The following SDHB variants were observed in gnomAD, a reference collection of about 807,000 sequenced individuals.
SDHB encodes the protein succinate dehydrogenase [ubiquinone] iron-sulfur subunit, mitochondrial.
SDHB carries 21 observed loss-of-function variants against 39.7 expected under a neutral mutation model. The ratio of observed to expected loss-of-function variants is 0.53; its 90% confidence interval spans 0.37 to 0.76. The LOEUF (loss-of-function observed/expected upper bound fraction) is 0.76, where lower values mean the gene tolerates loss of function less well. SDHB is among the 30% of genes least tolerant of loss of function. The pLI is 0.00. For synonymous variants in SDHB, 118 were observed against 117.0 expected, an observed-to-expected ratio of 1.01 and a Z score of -0.06; for missense variants, 343 against 350.9, an observed-to-expected ratio of 0.98 and a Z score of 0.18.
intron 2 of SDHB, among the ~76,000 whole-genome samples, 155 bp downstream of exon 2, chr1:17,044,606 G>A (rs1224753261): frequency 9.9e-5 from 15 of 152,184 alleles, no homozygotes. Flanking sequence ...GATTATAGGC[G>A]TGAGCCACCG....
At chr1:17,053,277 C>T (rs535469100) in intron 1 of SDHB, among the ~76,000 whole-genome samples, 1 of 152,266 alleles carries the variant, frequency 6.6e-6, no homozygotes, top group Non-Finnish European at 1.5e-5. Context: ...CATGTCAACT[C>T]TATGAGGTCC....
chr1:17,023,361 T>C (rs941089154), intron 6 of SDHB, among the ~76,000 whole-genome samples: 4 of 152,198 alleles, frequency 2.6e-5, no homozygotes, highest in African/African-American at 9.7e-5. Context: ...TGGGAATCAA[T>C]ATTGCTCATG....
intron 1 of SDHB, among the ~76,000 whole-genome samples, chr1:17,051,161 T>C (rs2078144852): frequency 1.3e-5 from 2 of 152,350 alleles, no homozygotes; most frequent in African/African-American, 2.4e-5. Flanking sequence ...TGAGACTATA[T>C]GATTTTTTTC....
At chr1:17,044,644 A>T in intron 2 of SDHB, 117 bp downstream of exon 2, 1 of 1,284,040 alleles carries the variant, frequency 7.8e-7, no homozygotes, top group Non-Finnish European at 1.1e-6. Context: ...TTCTTGTTTT[A>T]AAAACAGAGC....
intron 2 of SDHB, among the ~76,000 whole-genome samples, chr1:17,040,901 G>T (rs1022801544): frequency 1.3e-5 from 2 of 152,146 alleles, no homozygotes; most frequent in Non-Finnish European, 2.9e-5. Context: ...AGGCCGAGGC[G>T]GGTGAATCAC....
chr1:17,027,409 T>C (rs116818685), intron 5 of SDHB, among the ~76,000 whole-genome samples: 1 of 152,358 alleles, frequency 6.6e-6, no homozygotes, highest in African/African-American at 2.4e-5. Context: ...TGTTTCATTT[T>C]GCCCCCAGTG....
intron 1 of SDHB, among the ~76,000 whole-genome samples, chr1:17,050,617 A>G (rs1570961455): frequency 6.6e-6 from 1 of 150,818 alleles, no homozygotes; most frequent in South Asian, 2.1e-4. Flanking sequence ...CCGCCACTGC[A>G]CTCCATCCTG....
In SDHB at chr1:17,029,093, GTTTTTTTTTTTTTTT is replaced by G. The variant is rs746243819; in HGVS notation, c.287-372_287-358del. 1.5e-4 allele frequency among the ~76,000 whole-genome samples: 11 copies of G among 72,028 alleles called. 1 individual carries two copies. The highest frequency in any genetic ancestry group is 5.3e-4 in the East Asian group (1 of 1,870). 47.3% of individuals were successfully genotyped at this position (72,028 alleles called of 152,430 possible). A position where few individuals can be genotyped will look rare whatever the true frequency, so the allele number is the denominator to read the frequency against. The stretch of plus-strand genomic sequence containing the variant: ...ACGTGTTTTGAAGAAAAATCAGCCT[GTTTTTTTTTTTTTTT>G]TTTTTTTTTTTTTTAAAGAAAGGGT... On this transcript the variant is annotated intron_variant, in intron 3 of 7. Transcript: ENST00000375499.
At chr1:17,042,259 TG>T (rs1250703762) in intron 2 of SDHB, among the ~76,000 whole-genome samples, 1 of 152,256 alleles carries the variant, frequency 6.6e-6, no homozygotes, top group Non-Finnish European at 1.5e-5. Context: ...AGCAAAATCA[TG>T]TAAGAGTAAA....
chr1:17,030,004 C>T (rs2078013988), intron 3 of SDHB, among the ~76,000 whole-genome samples: 1 of 152,130 alleles, frequency 6.6e-6, no homozygotes, highest in African/African-American at 2.4e-5. Flanking sequence ...GAGTTCGAGA[C>T]CAGTTTGGCC....
intron 3 of SDHB, among the ~76,000 whole-genome samples, chr1:17,029,738 T>C (rs2078012799): frequency 6.6e-6 from 1 of 152,212 alleles, no homozygotes; most frequent in African/African-American, 2.4e-5. Context: ...CTTCTTTTTT[T>C]TTCTTGGCTG....
At chr1:17,048,713 T>G (rs2647146) in intron 1 of SDHB, among the ~76,000 whole-genome samples, 2,812 of 152,110 alleles carry the variant, frequency 0.018, 80 homozygotes, top group African/African-American at 0.064. Flanking sequence ...AAATATTTAT[T>G]TATTTATTTA....
chr1:17,039,415 C>CAA (rs34561776), intron 2 of SDHB, among the ~76,000 whole-genome samples: 1,273 of 86,150 alleles, frequency 0.015, 33 homozygotes, highest in East Asian at 0.019. Flanking sequence ...CCTGTCTCTA[C>CAA]AAAAAAAAAA....
chr1:17,028,904 G>A (rs777360494), intron 3 of SDHB, among the ~76,000 whole-genome samples, 168 bp from the exon 4 acceptor site: 21 of 151,968 alleles, frequency 1.4e-4, no homozygotes, highest in Non-Finnish European at 2.4e-4. Context: ...CCTTCTTCCT[G>A]CCTCGAATGT....
intron 2 of SDHB, among the ~76,000 whole-genome samples, chr1:17,033,835 C>T (rs1301858543): frequency 2.6e-5 from 4 of 152,208 alleles, no homozygotes; most frequent in South Asian, 2.1e-4. Context: ...TTAATACACA[C>T]GAGATCTTTA....
chr1:17,021,876 ACTT>A (rs2077963862), intron 7 of SDHB, among the ~76,000 whole-genome samples: 1 of 152,238 alleles, frequency 6.6e-6, no homozygotes, highest in Non-Finnish European at 1.5e-5. Flanking sequence ...CGTCAAATAA[ACTT>A]CTTTATAAAA....
intron 5 of SDHB, 45 bp from the exon 6 acceptor site, chr1:17,024,119 C>T (rs763059653): frequency 3.0e-6 from 4 of 1,322,046 alleles, no homozygotes; most frequent in Non-Finnish European, 4.3e-6. Flanking sequence ...ACGGGAGAGA[C>T]TCTGCTATGT....
chr1:17,026,584 C>T (rs907800953), intron 5 of SDHB, among the ~76,000 whole-genome samples: 1 of 151,930 alleles, frequency 6.6e-6, no homozygotes, highest in Non-Finnish European at 1.5e-5. Flanking sequence ...AGGCTGGTCT[C>T]GAACAACTGA....
intron 2 of SDHB, among the ~76,000 whole-genome samples, chr1:17,040,851 C>T (rs760625809): frequency 2.0e-5 from 3 of 151,730 alleles, no homozygotes; most frequent in East Asian, 2.0e-4. Context: ...TAATTTCGGC[C>T]GGGCATGGTG....
Sources: allele counts gnomAD v4.1 joint callset (sites outside exome capture counted in the v4.1 genomes callset), GRCh38; gene constraint gnomAD v4.1.1; transcripts MANE v1.5; gene names NCBI Gene and HGNC (gene_info 2026-07-23, HGNC 2026-07-21).